Variants in GALNTL6 observed in about 807,000 individuals in gnomAD.
GALNTL6 encodes the protein polypeptide N-acetylgalactosaminyltransferase-like 6.
A neutral mutation model predicts 73.7 loss-of-function variants in GALNTL6; 46 were observed. The observed-to-expected ratio is 0.62, with a 90% confidence interval of 0.49 to 0.80. The LOEUF (loss-of-function observed/expected upper bound fraction) is 0.80. Among genes scored for constraint, GALNTL6 ranks in the 30% least tolerant of loss-of-function variants. The pLI, the probability that GALNTL6 is intolerant of heterozygous loss-of-function variation, is 0.00. For missense variants in GALNTL6, 604 were observed against 755.0 expected, an observed-to-expected ratio of 0.80 and a Z score of 2.34; for synonymous variants, 259 against 263.7, an observed-to-expected ratio of 0.98 and a Z score of 0.17.
At chr4:171,861,892 A>G (rs1735838180) in intron 2 of GALNTL6, among the ~76,000 whole-genome samples, 1 of 152,084 alleles carries the variant, frequency 6.6e-6, no homozygotes, top group African/African-American at 2.4e-5. Context: ...AACCACTACC[A>G]CTATATGTAG....
At chr4:172,300,517 C>G (rs1229885822) in intron 3 of GALNTL6, among the ~76,000 whole-genome samples, 3 of 152,076 alleles carry the variant, frequency 2.0e-5, no homozygotes, top group Admixed American at 6.6e-5. Context: ...ACCGGTTGTT[C>G]CTTTCCATGT....
rs1346469587 is a variant in GALNTL6, at chr4:171,982,798, G to A, written c.138+168080G>A. Among the ~76,000 whole-genome samples the A allele has an allele frequency of 3.3e-5, 5 of 152,086 alleles. No individual in the cohort carries two copies. In the East Asian group the frequency reaches 9.7e-4, roughly 29 times the overall value. Reference sequence around the variant, plus strand: ...TGTTGTGAAAGAAAATAGGATCTTAGGACCTCATACTCACTATGCTAAAGG... The same window carrying A: ...TGTTGTGAAAGAAAATAGGATCTTAAGACCTCATACTCACTATGCTAAAGG... On this transcript the variant is annotated intron_variant, in intron 2 of 12. Transcript: ENST00000506823.
chr4:172,249,555 C>T (rs188126258), intron 3 of GALNTL6, among the ~76,000 whole-genome samples: 1 of 152,264 alleles, frequency 6.6e-6, no homozygotes, highest in Admixed American at 6.5e-5. Flanking sequence ...CCCCTCCCAT[C>T]ACAAACCTGG....
chr4:171,886,836 A>G, intron 2 of GALNTL6, among the ~76,000 whole-genome samples: 1 of 152,208 alleles, frequency 6.6e-6, no homozygotes, highest in East Asian at 1.9e-4. Context: ...TGGAGAGAAT[A>G]TAATAATCCA....
intron 7 of GALNTL6, among the ~76,000 whole-genome samples, chr4:172,821,189 G>A (rs1406227981): frequency 6.6e-6 from 1 of 152,172 alleles, no homozygotes; most frequent in East Asian, 1.9e-4. Context: ...TAGATACTGT[G>A]GTTTTCTAAT....
chr4:171,865,316 A>G (rs922194640), intron 2 of GALNTL6, among the ~76,000 whole-genome samples: 1 of 152,208 alleles, frequency 6.6e-6, no homozygotes, highest in Non-Finnish European at 1.5e-5. Context: ...GTGAGCAGAA[A>G]TACAGATAGG....
Position 171,922,140 on chromosome 4 carries a change from T to A in GALNTL6, c.138+107422T>A, listed in dbSNP as rs150207832. On this transcript the variant is annotated intron_variant, in intron 2 of 12. Transcript: ENST00000506823. ...TGAAAAGCAATTTTGTGTGGCATAT[T>A]TATTCACACTGGTTTTTCTTTTGTT... Among the ~76,000 whole-genome samples, 144 of 152,012 alleles carry A rather than the reference T, an allele frequency of 9.5e-4. 2 individuals carry two copies. The highest frequency in any genetic ancestry group is 3.3e-3 in the African/African-American group (137 of 41,500).
chr4:173,004,444 T>C (rs1295254942), intron 10 of GALNTL6, among the ~76,000 whole-genome samples: 1 of 152,110 alleles, frequency 6.6e-6, no homozygotes, highest in Non-Finnish European at 1.5e-5. Flanking sequence ...CTGCCCAACA[T>C]GATGAAACCG....
chr4:172,008,579 TGAA>T (rs1444799037), intron 2 of GALNTL6, among the ~76,000 whole-genome samples: 1 of 152,104 alleles, frequency 6.6e-6, no homozygotes, highest in African/African-American at 2.4e-5. Flanking sequence ...TCCTGTATAA[TGAA>T]GAAGAGAAAT....
At chr4:172,103,308 G>A (rs934232533) in intron 2 of GALNTL6, among the ~76,000 whole-genome samples, 1 of 152,134 alleles carries the variant, frequency 6.6e-6, no homozygotes, top group Non-Finnish European at 1.5e-5. Context: ...TAAGGCCGAC[G>A]ATTTTATGTC....
intron 2 of GALNTL6, among the ~76,000 whole-genome samples, chr4:172,086,371 T>C (rs1383722663): frequency 1.3e-5 from 2 of 152,150 alleles, no homozygotes; most frequent in Non-Finnish European, 2.9e-5. Context: ...CAAAAATAAC[T>C]ATTTTTAAGA....
intron 5 of GALNTL6, among the ~76,000 whole-genome samples, chr4:172,442,514 T>A (rs959989332): frequency 6.6e-5 from 10 of 152,316 alleles, no homozygotes; most frequent in Admixed American, 4.6e-4. Context: ...TTAGATAAAT[T>A]TTTTTACTTT....
chr4:172,147,111 C>T (rs773460809), intron 2 of GALNTL6, among the ~76,000 whole-genome samples: 1 of 152,060 alleles, frequency 6.6e-6, no homozygotes, highest in Non-Finnish European at 1.5e-5. Flanking sequence ...TCCTGTATTT[C>T]CAGTTTTGAT....
intron 2 of GALNTL6, among the ~76,000 whole-genome samples, chr4:172,184,013 G>C (rs1049604693): frequency 8.6e-5 from 13 of 151,926 alleles, no homozygotes; most frequent in African/African-American, 2.7e-4. Flanking sequence ...GGATGGTCTC[G>C]ATCTCCTGAC....
chr4:173,010,901 A>G lies in GALNTL6; in HGVS notation c.1488+1607A>G, dbSNP rs566526524. Among the ~76,000 whole-genome samples, 10 of 152,044 alleles carry G rather than the reference A, an allele frequency of 6.6e-5. No individual in the cohort carries two copies. The East Asian group carries it at 7.8e-4, about 12-fold the overall frequency. ...ATTACAGGCATAAGCCACCACGCCC[A>G]GCCAATTTTTAGTTTTTTGAGGAAC... On this transcript the variant is annotated intron_variant, in intron 11 of 12. Transcript: ENST00000506823.
intron 2 of GALNTL6, among the ~76,000 whole-genome samples, chr4:172,076,027 A>C (rs1164626770): frequency 6.6e-6 from 1 of 152,188 alleles, no homozygotes; most frequent in Non-Finnish European, 1.5e-5. Flanking sequence ...GCAGAGAGGC[A>C]TGTTTGGTAG....
chr4:172,335,942 C>T (rs1040070742), intron 4 of GALNTL6, among the ~76,000 whole-genome samples: 2 of 152,070 alleles, frequency 1.3e-5, no homozygotes, highest in African/African-American at 4.8e-5. Flanking sequence ...CAATTTTATT[C>T]ACTTCCACTC....
chr4:172,182,657 G>C (rs1015269909), intron 2 of GALNTL6, among the ~76,000 whole-genome samples: 1 of 151,486 alleles, frequency 6.6e-6, no homozygotes, highest in Non-Finnish European at 1.5e-5. Context: ...TCATTTCTAG[G>C]GGGGAGTAAA....
At chr4:172,274,499 G>A (rs1579322301) in intron 3 of GALNTL6, among the ~76,000 whole-genome samples, 1 of 152,140 alleles carries the variant, frequency 6.6e-6, no homozygotes, top group Non-Finnish European at 1.5e-5. Context: ...CTGAGTATAC[G>A]TTAGGACAAA....
Sources: gnomAD v4.1 joint callset for allele counts (sites outside exome capture counted in the v4.1 genomes callset) on GRCh38, gnomAD v4.1.1 for gene constraint, MANE v1.5 for transcripts, NCBI Gene and HGNC (gene_info 2026-07-23, HGNC 2026-07-21) for gene names.